The following SESTD1 variants were observed in gnomAD, a reference collection of about 807,000 sequenced individuals.
SESTD1 encodes the protein SEC14 and spectrin domain containing 1, also known as SEC14 domain and spectrin repeat-containing protein 1.
SESTD1 carries 43 observed loss-of-function variants against 101.7 expected under a neutral mutation model. The observed-to-expected ratio is 0.42, with a 90% CI of 0.33 to 0.55. The LOEUF is 0.55. Ranked by LOEUF, SESTD1 falls within the 20% of genes least tolerant of loss-of-function variation. The pLI is 0.07. For synonymous variants in SESTD1, 283 were observed against 286.8 expected, an observed-to-expected ratio of 0.99 and a Z score of 0.13; for missense variants, 647 against 815.1, an observed-to-expected ratio of 0.79 and a Z score of 2.51.
At chr2:179,250,274 T>C (rs776508470) in intron 1 of SESTD1, among the ~76,000 whole-genome samples, 4 of 152,088 alleles carry the variant, frequency 2.6e-5, no homozygotes, top group Non-Finnish European at 4.4e-5. Context: ...CATGAAAAGA[T>C]GTTCAACATC....
At chr2:179,134,204 G>A (rs763630486) in intron 9 of SESTD1, among the ~76,000 whole-genome samples, 24 of 152,072 alleles carry the variant, frequency 1.6e-4, no homozygotes, top group Non-Finnish European at 1.5e-4. Flanking sequence ...TTTCACCTGC[G>A]TAAGGGTTTT....
intron 5 of SESTD1, among the ~76,000 whole-genome samples, chr2:179,162,050 T>C (rs979591464): frequency 2.0e-5 from 3 of 152,198 alleles, no homozygotes; most frequent in Non-Finnish European, 4.4e-5. Context: ...TCATCCTTAT[T>C]CTCCTTAAGT....
chr2:179,193,449 G>T (rs1418794199), intron 1 of SESTD1, among the ~76,000 whole-genome samples: 1 of 152,156 alleles, frequency 6.6e-6, no homozygotes, highest in Admixed American at 6.5e-5. Context: ...AGCACTTCAT[G>T]ATGAGTTGTT....
At chr2:179,171,914 C>A (rs112402852) in intron 5 of SESTD1, among the ~76,000 whole-genome samples, 15 of 152,164 alleles carry the variant, frequency 9.9e-5, no homozygotes, top group African/African-American at 3.6e-4. Flanking sequence ...AAATGGAAAA[C>A]AAGAAAGCTT....
chr2:179,244,148 T>C (rs932223219), intron 1 of SESTD1, among the ~76,000 whole-genome samples: 2 of 151,388 alleles, frequency 1.3e-5, no homozygotes, highest in Admixed American at 1.3e-4. Flanking sequence ...CTGAATGAAT[T>C]AATTAATTTT....
chr2:179,163,581 G>GA (rs933655871), intron 5 of SESTD1, among the ~76,000 whole-genome samples: 42 of 139,324 alleles, frequency 3.0e-4, no homozygotes, highest in Non-Finnish European at 4.1e-4. Flanking sequence ...ATAAAAGAAG[G>GA]AAAAAAAAAA....
intron 1 of SESTD1, among the ~76,000 whole-genome samples, chr2:179,200,342 C>T (rs571611027): frequency 2.6e-5 from 4 of 152,124 alleles, no homozygotes; most frequent in Non-Finnish European, 5.9e-5. Context: ...AATGGCCATA[C>T]TGCCCAAGGT....
intron 7 of SESTD1, 142 bp from the exon 8 acceptor site, chr2:179,146,599 C>G: frequency 3.1e-6 from 2 of 635,292 alleles, no homozygotes; most frequent in Non-Finnish European, 5.3e-6. Context: ...GCTAACTTCT[C>G]TCAAGCATAA....
At position 179,124,421 on chromosome 2, in the gene SESTD1, C is replaced by T. The variant is rs1277344930; in HGVS notation, c.1110G>A (p.Leu370=). The change falls in exon 11 of 18, where the codon CTG becomes CTA. Residue 370 remains leucine (L), a synonymous_variant. Coordinates refer to ENST00000428443, the MANE Select transcript of SESTD1 (RefSeq NM_178123.5). ...SDVCYRQASQ[L]EFRQNLLQAA... ...CTTGTAAGAGATTTTGCCTAAATTCCAGCTGACTGGCCTGTCGATAACAAA... is the reference window on the plus strand; with the variant it reads ...CTTGTAAGAGATTTTGCCTAAATTCTAGCTGACTGGCCTGTCGATAACAAA... The T allele has an allele frequency of 6.2e-6, 10 of 1,613,918 alleles. No individual in the cohort carries two copies. The highest frequency in any genetic ancestry group is 6.8e-6 in the Non-Finnish European group (8 of 1,179,988).
At chr2:179,172,931 TATC>T (rs1382893737) in intron 4 of SESTD1, among the ~76,000 whole-genome samples, 1 of 152,226 alleles carries the variant, frequency 6.6e-6, no homozygotes, top group African/African-American at 2.4e-5. Context: ...CTTTCTGAAA[TATC>T]ATCATTACAA....
intron 3 of SESTD1, among the ~76,000 whole-genome samples, chr2:179,178,447 C>T (rs972371382): frequency 1.3e-5 from 2 of 151,984 alleles, no homozygotes; most frequent in African/African-American, 4.8e-5. Flanking sequence ...CATGGGAGAC[C>T]AGCAAGACTC....
chr2:179,119,646 C>T (rs1420684733), intron 13 of SESTD1, among the ~76,000 whole-genome samples: 2 of 152,100 alleles, frequency 1.3e-5, no homozygotes, highest in African/African-American at 2.4e-5. Flanking sequence ...GGTATAGCAG[C>T]GTGAGAATGG....
At position 179,146,425 on chromosome 2, in the gene SESTD1, TCAAC is replaced by T; in HGVS notation, c.610_613del (p.Val204IlefsTer44). On this transcript the variant is annotated frameshift_variant, in exon 8 of 18. Transcript: ENST00000428443. LOFTEE classifies it high-confidence loss of function. ...ACCTGTCTGAAGAACTGTTTCAGGA[TCAAC>T]CGATGGAAGAAAGTTTAAATCCACA... 6.2e-7 allele frequency: 1 copy of T among 1,613,226 alleles called. No homozygotes were observed. Among genetic ancestry groups the T allele is most frequent in the Non-Finnish European group, 8.5e-7 (1 of 1,179,714 alleles).
Position 179,206,023 on chromosome 2 carries a change from T to C in SESTD1, c.-25-14157A>G, listed in dbSNP as rs540059370. On this transcript the variant is annotated intron_variant, in intron 1 of 17. Transcript: ENST00000428443. ...TCTTTCTGGTTATCTTAGTATCTAA[T>C]AGAAAAATTTAAATAGATAATGTAC... Among the ~76,000 whole-genome samples, 5 of 133,966 alleles carry C rather than the reference T, an allele frequency of 3.7e-5. 2 individuals are homozygous for C. The highest frequency in any genetic ancestry group is 1.5e-4 in the African/African-American group (5 of 33,810). 87.9% of individuals were successfully genotyped at this position (133,966 alleles called of 152,430 possible).
intron 5 of SESTD1, among the ~76,000 whole-genome samples, chr2:179,159,510 GA>G (rs1363609630): frequency 6.6e-6 from 1 of 152,160 alleles, no homozygotes; most frequent in Non-Finnish European, 1.5e-5. Flanking sequence ...CTGGAATGCT[GA>G]AAAAGGAAAA....
chr2:179,151,139 C>T (rs1037374546), intron 6 of SESTD1, 139 bp downstream of exon 6: 2 of 502,066 alleles, frequency 4.0e-6, no homozygotes, highest in Non-Finnish European at 3.3e-6. Flanking sequence ...GTCTATTATG[C>T]TATAATGTGG....
chr2:179,186,787 A>G (rs10930856), intron 2 of SESTD1, among the ~76,000 whole-genome samples: 18,214 of 149,008 alleles, frequency 0.12, 1,221 homozygotes, highest in South Asian at 0.25. Context: ...TCCCAGGTTC[A>G]TGCCATTCAG....
At chr2:179,248,537 G>C (rs2047266534) in intron 1 of SESTD1, among the ~76,000 whole-genome samples, 1 of 152,032 alleles carries the variant, frequency 6.6e-6, no homozygotes, top group African/African-American at 2.4e-5. Context: ...AGTAATCAAG[G>C]GGGGTTTATT....
At chr2:179,219,233 T>C (rs1221534978) in intron 1 of SESTD1, among the ~76,000 whole-genome samples, 6 of 152,210 alleles carry the variant, frequency 3.9e-5, no homozygotes, top group Non-Finnish European at 7.3e-5. Context: ...GCAGGCCTTT[T>C]AATCAAGACT....
Sources: allele counts gnomAD v4.1 joint callset (sites outside exome capture counted in the v4.1 genomes callset), GRCh38; gene constraint gnomAD v4.1.1; transcripts MANE v1.5; gene names NCBI Gene and HGNC (gene_info 2026-07-23, HGNC 2026-07-21).